Variants in TEAD1 observed in about 807,000 individuals in gnomAD.
The protein encoded by TEAD1 is TEA domain transcription factor 1, also known as transcriptional enhancer factor TEF-1.
In TEAD1, 9 loss-of-function variants were observed where a neutral mutation model predicts 54.9. The observed-to-expected ratio is 0.16, with a 90% CI of 0.10 to 0.29. The LOEUF is 0.29. Ranked by LOEUF, TEAD1 falls within the 10% of genes least tolerant of loss-of-function variation. TEAD1 has a pLI of 1.00. For missense variants in TEAD1, 387 were observed against 535.9 expected, an observed-to-expected ratio of 0.72 and a Z score of 2.74; for synonymous variants, 200 against 187.8, an observed-to-expected ratio of 1.07 and a Z score of -0.53.
chr11:12,916,870 G>A (rs563856490), intron 10 of TEAD1, among the ~76,000 whole-genome samples: 3 of 152,262 alleles, frequency 2.0e-5, no homozygotes, highest in South Asian at 4.2e-4. Context: ...GAGGAGGAGA[G>A]GAATGGTGAA....
chr11:12,941,845 A>G lies in TEAD1; in HGVS notation c.*4623A>G, dbSNP rs1949165469. ...CTGTTACTTTTGTAGGAAGTTTTCAATTCAGAGCTGCCAAAGTGTTCCCGT... is the reference window on the plus strand; with the variant it reads ...CTGTTACTTTTGTAGGAAGTTTTCAGTTCAGAGCTGCCAAAGTGTTCCCGT... On this transcript the variant is annotated 3_prime_UTR_variant, in exon 13 of 13. Coordinates refer to ENST00000527636, the MANE Select transcript of TEAD1 (RefSeq NM_021961.6). 1.3e-5 allele frequency: 2 copies of G among 152,642 alleles called. No homozygotes were observed. Among genetic ancestry groups the G allele is most frequent in the Admixed American group, 6.5e-5 (1 of 15,278 alleles). The allele number at this position is 152,642 out of a possible 1,614,324, so 9.5% of individuals were successfully genotyped here.
chr11:12,846,840 G>C (rs1044878462), intron 3 of TEAD1, among the ~76,000 whole-genome samples: 1 of 152,204 alleles, frequency 6.6e-6, no homozygotes, highest in East Asian at 1.9e-4. Flanking sequence ...AGTAAGAAGG[G>C]CTTTAAGCTT....
At chr11:12,776,700 G>C (rs1355217692) in intron 3 of TEAD1, among the ~76,000 whole-genome samples, 1 of 150,710 alleles carries the variant, frequency 6.6e-6, no homozygotes, top group Non-Finnish European at 1.5e-5. Context: ...CTTTCCTCAT[G>C]TTTCAGTTCT....
chr11:12,798,650 A>G (rs1006646567), intron 3 of TEAD1, among the ~76,000 whole-genome samples: 23 of 152,256 alleles, frequency 1.5e-4, no homozygotes, highest in African/African-American at 5.1e-4. Flanking sequence ...TGTGTATGCC[A>G]GAAGTGAAGT....
At position 12,913,820 on chromosome 11, in the gene TEAD1, C is replaced by T. The variant is rs147125040; in HGVS notation, c.874-11092C>T. Among the ~76,000 whole-genome samples the T allele has an allele frequency of 5.9e-5, 9 of 152,318 alleles. No homozygotes were observed. The East Asian group carries it at 1.3e-3, about 23-fold the overall frequency. Reference sequence around the variant, plus strand: ...AGCTCTGCACTTGTTAGTTCACTTACGTATCATTGGCTTGGGGTTGTTATT... The same window carrying T: ...AGCTCTGCACTTGTTAGTTCACTTATGTATCATTGGCTTGGGGTTGTTATT... On this transcript the variant is annotated intron_variant, in intron 10 of 12. Transcript: ENST00000527636.
At chr11:12,878,606 G>A (rs116033387) in intron 5 of TEAD1, among the ~76,000 whole-genome samples, 3,158 of 149,602 alleles carry the variant, frequency 0.021, 108 homozygotes, top group African/African-American at 0.072. Flanking sequence ...GGAAGCCACA[G>A]AACCAGTGCA....
intron 3 of TEAD1, among the ~76,000 whole-genome samples, chr11:12,775,960 G>A (rs564231615): frequency 6.7e-6 from 1 of 149,514 alleles, no homozygotes; most frequent in South Asian, 2.1e-4. Context: ...GTGGTGTGGT[G>A]TTTACTGGCG....
chr11:12,791,755 T>C (rs1166523750), intron 3 of TEAD1, among the ~76,000 whole-genome samples: 2 of 152,180 alleles, frequency 1.3e-5, no homozygotes, highest in Non-Finnish European at 2.9e-5. Flanking sequence ...AAGTAAGTGA[T>C]AAGGGAGTAG....
chr11:12,877,618 C>T (rs1232790523), intron 5 of TEAD1, among the ~76,000 whole-genome samples: 4 of 151,756 alleles, frequency 2.6e-5, no homozygotes, highest in Admixed American at 6.6e-5. Context: ...GAGATCATGC[C>T]ACTGCACTCC....
At chr11:12,816,203 C>T (rs1222719781) in intron 3 of TEAD1, among the ~76,000 whole-genome samples, 1 of 152,174 alleles carries the variant, frequency 6.6e-6, no homozygotes, top group Non-Finnish European at 1.5e-5. Flanking sequence ...CACTCACGTC[C>T]CACTTTGAGG....
intron 9 of TEAD1, among the ~76,000 whole-genome samples, chr11:12,899,342 T>G (rs955529356): frequency 1.3e-5 from 2 of 152,132 alleles, no homozygotes. Context: ...CATTCCATTT[T>G]GTGTTTCTGA....
intron 11 of TEAD1, among the ~76,000 whole-genome samples, chr11:12,926,394 C>T (rs1948903092): frequency 1.3e-5 from 2 of 152,162 alleles, no homozygotes; most frequent in Middle Eastern, 3.4e-3. Flanking sequence ...CATGAGCTTT[C>T]CCACAATGGT....
At chr11:12,868,511 C>A (rs1459769814) in intron 5 of TEAD1, among the ~76,000 whole-genome samples, 1 of 152,170 alleles carries the variant, frequency 6.6e-6, no homozygotes, top group Non-Finnish European at 1.5e-5. Context: ...ATAGATGAGT[C>A]ATCCTAGCTA....
At chr11:12,804,095 G>C (rs990545688) in intron 3 of TEAD1, among the ~76,000 whole-genome samples, 21 of 152,228 alleles carry the variant, frequency 1.4e-4, no homozygotes, top group Admixed American at 1.4e-3. Context: ...AGGCACGTGT[G>C]CCAGAGCTTA....
At chr11:12,701,446 T>C (rs1196491124) in intron 2 of TEAD1, among the ~76,000 whole-genome samples, 1 of 152,132 alleles carries the variant, frequency 6.6e-6, no homozygotes, top group East Asian at 1.9e-4. Context: ...TCTTTTGATC[T>C]TGGAAATTGG....
intron 3 of TEAD1, among the ~76,000 whole-genome samples, chr11:12,785,467 T>C (rs552647087): frequency 6.6e-6 from 1 of 152,298 alleles, no homozygotes; most frequent in Non-Finnish European, 1.5e-5. Context: ...TATCATTTAA[T>C]GTTCAGACTA....
intron 2 of TEAD1, among the ~76,000 whole-genome samples, chr11:12,742,989 C>T (rs571205656): frequency 1.3e-5 from 2 of 152,278 alleles, no homozygotes; most frequent in African/African-American, 4.8e-5. Context: ...CGTGGTCCAG[C>T]GGTGGGGCTG....
chr11:12,730,768 A>G (rs1944410427), intron 2 of TEAD1, among the ~76,000 whole-genome samples: 1 of 135,978 alleles, frequency 7.4e-6, no homozygotes, highest in Non-Finnish European at 1.5e-5. Context: ...TAGTGCAATC[A>G]TGGCTCACTG....
At chr11:12,910,872 G>C (rs867131226) in intron 10 of TEAD1, among the ~76,000 whole-genome samples, 1 of 150,260 alleles carries the variant, frequency 6.7e-6, no homozygotes, top group Non-Finnish European at 1.5e-5. Flanking sequence ...TCAGCCTCCC[G>C]AGTAGCTGGG....
Sources: gnomAD v4.1 joint callset for allele counts (sites outside exome capture counted in the v4.1 genomes callset) on GRCh38, gnomAD v4.1.1 for gene constraint, MANE v1.5 for transcripts, NCBI Gene and HGNC (gene_info 2026-07-23, HGNC 2026-07-21) for gene names.